PFN4: variants seen among roughly 807,000 people sequenced by gnomAD.
PFN4 encodes the protein profilin family member 4.
PFN4 carries 10 observed loss-of-function variants against 16.3 expected under a neutral mutation model. The observed-to-expected ratio is 0.61, with a 90% CI of 0.38 to 1.04. PFN4 has a LOEUF of 1.04. Ranked by LOEUF, PFN4 falls within the 50% of genes least tolerant of loss-of-function variation. The pLI, the probability that PFN4 is intolerant of heterozygous loss-of-function variation, is 0.01. For missense variants in PFN4, 136 were observed against 153.6 expected, an observed-to-expected ratio of 0.89 and a Z score of 0.61; for synonymous variants, 54 against 56.9, an observed-to-expected ratio of 0.95 and a Z score of 0.23.
chr2:24,122,692 C>G (rs7592020), intron 1 of PFN4, 145 bp from the exon 2 acceptor site: 70,681 of 563,324 alleles, frequency 0.13, 5,154 homozygotes, highest in South Asian at 0.17. Context: ...GGTGGTCCAT[C>G]ATTCAGGGCC....
intron 2 of PFN4, 128 bp from the exon 3 acceptor site, chr2:24,121,428 GA>G (rs762481430): frequency 1.4e-5 from 12 of 837,262 alleles, no homozygotes; most frequent in Non-Finnish European, 1.8e-5. Flanking sequence ...AATGGTTGGG[GA>G]AAAAAAATCA....
intron 4 of PFN4, among the ~76,000 whole-genome samples, chr2:24,118,759 A>T (rs748076916): frequency 7.2e-5 from 11 of 152,208 alleles, no homozygotes; most frequent in Non-Finnish European, 1.3e-4. Context: ...GCTATATCTT[A>T]ACCAGCTCTG....
chr2:24,117,014 A>ATTTT (rs58867611), intron 4 of PFN4, among the ~76,000 whole-genome samples: 3 of 131,926 alleles, frequency 2.3e-5, no homozygotes, highest in African/African-American at 8.4e-5. Flanking sequence ...ACAATCCTGC[A>ATTTT]TTTTTTTTTT....
rs1666029483 is a variant in PFN4, at chr2:24,119,565, A to C, written c.361+12T>G. On this transcript the variant is annotated intron_variant, in intron 4 of 4. Coordinates refer to ENST00000313213, the MANE Select transcript of PFN4 (RefSeq NM_199346.3). Reference sequence around the variant, plus strand: ...ATAGGGAATGAAGACAGGAACTAGGAGGCCAACTTACCCAGGCTCTCTGTG... The same window carrying C: ...ATAGGGAATGAAGACAGGAACTAGGCGGCCAACTTACCCAGGCTCTCTGTG... 5 of 1,604,598 alleles carry C rather than the reference A, an allele frequency of 3.1e-6. No individual in the cohort carries two copies. The highest frequency in any genetic ancestry group is 1.7e-4 in the Middle Eastern group (1 of 6,034).
Position 24,115,249 on chromosome 2 carries a change from A to G in PFN4, c.*334T>C, listed in dbSNP as rs1030971964. 1 of 248,388 alleles carries G rather than the reference A, an allele frequency of 4.0e-6. No homozygotes were observed. The highest frequency in any genetic ancestry group is 2.2e-5 in the African/African-American group (1 of 45,180). The allele number at this position is 248,388 out of a possible 1,614,324, so 15.4% of individuals were successfully genotyped here. A position where few individuals can be genotyped will look rare whatever the true frequency, so the allele number is the denominator to read the frequency against. ...TAACCCTGAGAAATGTCTTGGATAA[A>G]GAGTGGTGAGAGCCTTGCATTCTTG... On this transcript the variant is annotated 3_prime_UTR_variant, in exon 5 of 5. Transcript: ENST00000313213.
In PFN4 at chr2:24,114,957, T is replaced by C. The variant is rs931791670; in HGVS notation, c.*626A>G. On this transcript the variant is annotated 3_prime_UTR_variant, in exon 5 of 5. Transcript: ENST00000313213. ...AAGGCCTTTCCAATGTTCAAAATGA[T>C]ACCAGATACCTGCAAATGGGAGTGT... Among the ~76,000 whole-genome samples the C allele has an allele frequency of 6.6e-6, 1 of 152,192 alleles. No individual in the cohort carries two copies. The highest frequency in any genetic ancestry group is 1.5e-5 in the Non-Finnish European group (1 of 68,022).
Position 24,118,437 on chromosome 2 carries a change from A to G in PFN4, c.361+1140T>C, listed in dbSNP as rs1665991151. Among the ~76,000 whole-genome samples the G allele has an allele frequency of 4.6e-5, 7 of 152,338 alleles. No homozygotes were observed. The South Asian group carries it at 1.2e-3, about 27-fold the overall frequency. ...TGACTCTGCTAGGCCGAAGTAATTCATTGATTTATTCATCAAACATGTACT... is the reference window on the plus strand; with the variant it reads ...TGACTCTGCTAGGCCGAAGTAATTCGTTGATTTATTCATCAAACATGTACT... On this transcript the variant is annotated intron_variant, in intron 4 of 4. Coordinates refer to ENST00000313213, the MANE Select transcript of PFN4 (RefSeq NM_199346.3).
intron 1 of PFN4, 109 bp downstream of exon 1, chr2:24,123,009 C>T (rs557922362): frequency 6.5e-6 from 1 of 152,902 alleles, no homozygotes; most frequent in South Asian, 2.1e-4. Flanking sequence ...TGCATCAGCG[C>T]CAGCTATGAA....
intron 4 of PFN4, among the ~76,000 whole-genome samples, chr2:24,117,014 ATTTTTT>A (rs58867611): frequency 1.1e-4 from 15 of 131,928 alleles, no homozygotes; most frequent in African/African-American, 4.2e-4. Flanking sequence ...ACAATCCTGC[ATTTTTT>A]TTTTTTTTTT....
intron 4 of PFN4, among the ~76,000 whole-genome samples, chr2:24,116,236 G>A (rs941282722): frequency 1.3e-5 from 2 of 152,080 alleles, no homozygotes; most frequent in Non-Finnish European, 2.9e-5. Context: ...GCTGAGGCAG[G>A]AGAATTGCTT....
Position 24,119,648 on chromosome 2 carries a change from A to G in PFN4, c.290T>C (p.Leu97Pro), listed in dbSNP as rs1344696212. The G allele has an allele frequency of 6.2e-7, 1 of 1,613,730 alleles. No individual in the cohort carries two copies. ...AGTGTAAGTTGCTACCAGAAGATAC[A>G]GATGGGTCTTCACGACAACCACACC... ...NTGVVVVKTH[L>P]YLLVATYTEG... The change falls in exon 4 of 5, where the codon CTG (leucine) becomes CCG (proline). Residue 97 changes from leucine to proline, a missense_variant. Physicochemically the swap from Leu to Pro is moderately conservative, Grantham distance 98. Coordinates refer to ENST00000313213, the MANE Select transcript of PFN4 (RefSeq NM_199346.3).
At chr2:24,116,014 T>C (rs890598688) in intron 4 of PFN4, among the ~76,000 whole-genome samples, 3 of 151,928 alleles carry the variant, frequency 2.0e-5, no homozygotes, top group Admixed American at 6.6e-5. Context: ...CTCTCCTATA[T>C]GTATTCTATG....
rs1666105422 is a variant in PFN4, at chr2:24,121,207, A to C, written c.211T>G (p.Tyr71Asp). Residue 71 changes from tyrosine to aspartate, a missense_variant, in exon 3 of 5, where the codon TAC becomes GAC. By Grantham distance (160) the Tyr-to-Asp change is radical (BLOSUM62 -3). Transcript: ENST00000313213. ...REGLYFKGKDYRCVRADEYSL... is the reference protein window; with the variant it reads ...REGLYFKGKDDRCVRADEYSL... Reference sequence around the variant, plus strand: ...TATTCATCTGCCCGGACACATCTGTAATCTTTTCCCTTGAAATACAGTCCT... The same window carrying C: ...TATTCATCTGCCCGGACACATCTGTCATCTTTTCCCTTGAAATACAGTCCT... 6.2e-7 allele frequency: 1 copy of C among 1,614,196 alleles called. No homozygotes were observed. The highest frequency in any genetic ancestry group is 1.1e-5 in the South Asian group (1 of 91,082).
At chr2:24,117,349 CT>C (rs1316179086) in intron 4 of PFN4, among the ~76,000 whole-genome samples, 1 of 151,986 alleles carries the variant, frequency 6.6e-6, no homozygotes, top group African/African-American at 2.4e-5. Flanking sequence ...GCATAGCATC[CT>C]TTTCCTGTCT....
At chr2:24,120,834 G>T (rs563390274) in intron 3 of PFN4, among the ~76,000 whole-genome samples, 2 of 151,982 alleles carry the variant, frequency 1.3e-5, no homozygotes, top group African/African-American at 4.8e-5. Context: ...ACTGTGCCTG[G>T]CCACTGAGAA....
Position 24,115,483 on chromosome 2 carries a change from C to T in PFN4, c.*100G>A. 1.0e-6 allele frequency: 1 copy of T among 996,322 alleles called. No homozygotes were observed. Among genetic ancestry groups the T allele is most frequent in the Non-Finnish European group, 1.5e-6 (1 of 665,818 alleles). 61.7% of individuals were successfully genotyped at this position (996,322 alleles called of 1,614,324 possible). ...CTTAATTCATTCTTCTTTTTTAGTG[C>T]CTTCTGTCTAGTGTTTTTTCAACCA... On this transcript the variant is annotated 3_prime_UTR_variant, in exon 5 of 5. Transcript: ENST00000313213.
rs940473387 is a variant in PFN4, at chr2:24,115,743, G to A, written c.362-132C>T. 7.6e-6 allele frequency: 7 copies of A among 924,618 alleles called. No individual in the cohort carries two copies. In the East Asian group the frequency reaches 1.0e-4, roughly 13 times the overall value. The allele number at this position is 924,618 out of a possible 1,614,324, so 57.3% of individuals were successfully genotyped here. A position where few individuals can be genotyped will look rare whatever the true frequency, so the allele number is the denominator to read the frequency against. On this transcript the variant is annotated intron_variant, in intron 4 of 4. Transcript: ENST00000313213. The stretch of plus-strand genomic sequence containing the variant: ...GTGCTAGGCACTGTGCTAGGTACTG[G>A]AGAAACAAGGGTGACTGGATAGTTG...
In PFN4 at chr2:24,115,266, G is replaced by C. The variant is rs957734710; in HGVS notation, c.*317C>G. Reference sequence around the variant, plus strand: ...TTGGATAAAGAGTGGTGAGAGCCTTGCATTCTTGGCATACTTAGCAAGGTG... The same window carrying C: ...TTGGATAAAGAGTGGTGAGAGCCTTCCATTCTTGGCATACTTAGCAAGGTG... On this transcript the variant is annotated 3_prime_UTR_variant, in exon 5 of 5. Coordinates refer to ENST00000313213, the MANE Select transcript of PFN4 (RefSeq NM_199346.3). 4 of 283,008 alleles carry C rather than the reference G, an allele frequency of 1.4e-5. No homozygotes were observed. Among genetic ancestry groups the C allele is most frequent in the Non-Finnish European group, 2.0e-5 (3 of 147,474 alleles). The allele number at this position is 283,008 out of a possible 1,614,324, so 17.5% of individuals were successfully genotyped here.
At chr2:24,119,535 C>T (rs922376500) in intron 4 of PFN4, 42 bp downstream of exon 4, 4 of 1,455,650 alleles carry the variant, frequency 2.7e-6, no homozygotes, top group African/African-American at 2.8e-5. Flanking sequence ...GAAGACCCAA[C>T]TAACATAGGG....
Sources: gnomAD v4.1 joint callset for allele counts (sites outside exome capture counted in the v4.1 genomes callset) on GRCh38, gnomAD v4.1.1 for gene constraint, MANE v1.5 for transcripts, NCBI Gene and HGNC (gene_info 2026-07-23, HGNC 2026-07-21) for gene names.